Variants in ZNF43 observed in about 807,000 individuals in gnomAD.
ZNF43 encodes zinc finger protein 39-like 1 (KOX 27).
A neutral mutation model predicts 68.4 loss-of-function variants in ZNF43; 44 were observed. The observed-to-expected ratio is 0.64, with a 90% CI of 0.51 to 0.83. The LOEUF is 0.83. ZNF43 is among the 40% of genes least tolerant of loss of function. ZNF43 has a pLI of 0.00. For synonymous variants in ZNF43, 308 were observed against 307.8 expected, an observed-to-expected ratio of 1.00 and a Z score of -0.01; for missense variants, 896 against 933.2, an observed-to-expected ratio of 0.96 and a Z score of 0.52.
At chr19:21,824,420 T>G (rs995862774) in intron 1 of ZNF43, among the ~76,000 whole-genome samples, 13 of 152,146 alleles carry the variant, frequency 8.5e-5, no homozygotes, top group African/African-American at 2.4e-4. Flanking sequence ...ACCTGGAGCC[T>G]CTCACGTAAG....
intron 1 of ZNF43, among the ~76,000 whole-genome samples, chr19:21,824,383 C>T (rs1040656553): frequency 5.3e-5 from 8 of 152,144 alleles, no homozygotes; most frequent in African/African-American, 1.9e-4. Context: ...TTTACACTTA[C>T]AGATTCTGCC....
intron 1 of ZNF43, among the ~76,000 whole-genome samples, chr19:21,835,350 G>C (rs2038658843): frequency 2.1e-5 from 3 of 140,162 alleles, no homozygotes; most frequent in Admixed American, 7.1e-5. Flanking sequence ...GGAAAATCTA[G>C]TTTAGTTTTT....
intron 1 of ZNF43, chr19:21,843,229 GGGTCCAGC>G: frequency 3.9e-6 from 1 of 254,214 alleles, no homozygotes; most frequent in Non-Finnish European, 6.2e-6. Context: ...TCTACATGCT[GGGTCCAGC>G]GATATGTCAC....
chr19:21,848,611 G>A (rs1968123821), intron 1 of ZNF43, among the ~76,000 whole-genome samples: 2 of 151,964 alleles, frequency 1.3e-5, no homozygotes, highest in Non-Finnish European at 2.9e-5. Context: ...CCTAGGTGCT[G>A]GGACCAGTGA....
intron 1 of ZNF43, among the ~76,000 whole-genome samples, chr19:21,826,728 A>G (rs895379309): frequency 6.6e-6 from 1 of 151,810 alleles, no homozygotes; most frequent in African/African-American, 2.4e-5. Flanking sequence ...CCAAGCTACT[A>G]AGGAGGCTGA....
rs921379008 is a variant in ZNF43, at chr19:21,836,072, T to C, written c.-34A>G. 6.2e-7 allele frequency: 1 copy of C among 1,613,622 alleles called. No homozygotes were observed. Among genetic ancestry groups the C allele is most frequent in the Non-Finnish European group, 8.5e-7 (1 of 1,179,672 alleles). ...TTCCGGGGGGTCCTGGCGTCTTAGC[T>C]GTGGATCCCCCAATACCCGCAGGTC... On this transcript the variant is annotated 5_prime_UTR_variant, in exon 1 of 4. Transcript: ENST00000354959.
chr19:21,813,705 G>A (rs1002586970), intron 3 of ZNF43, among the ~76,000 whole-genome samples: 23 of 152,042 alleles, frequency 1.5e-4, no homozygotes, highest in African/African-American at 5.3e-4. Flanking sequence ...AGTTTCACAG[G>A]TGTAAAATTT....
At chr19:21,825,824 A>G (rs1222201335) in intron 1 of ZNF43, among the ~76,000 whole-genome samples, 1 of 152,194 alleles carries the variant, frequency 6.6e-6, no homozygotes, top group Non-Finnish European at 1.5e-5. Flanking sequence ...AGGCCAAGGC[A>G]GGTGGATCAG....
chr19:21,813,047 AG>A (rs2037355241), intron 3 of ZNF43, among the ~76,000 whole-genome samples: 1 of 152,134 alleles, frequency 6.6e-6, no homozygotes, highest in Non-Finnish European at 1.5e-5. Flanking sequence ...GTTCGAGACC[AG>A]CCTGATCAAC....
At chr19:21,830,680 CAA>C (rs201713010) in intron 1 of ZNF43, among the ~76,000 whole-genome samples, 1 of 126,330 alleles carries the variant, frequency 7.9e-6, no homozygotes, top group African/African-American at 2.9e-5. Flanking sequence ...ACCAGATGTA[CAA>C]AAAAAAAAAA....
chr19:21,807,510 ACTC>A lies in ZNF43; in HGVS notation c.*94_*96del. 8.8e-7 allele frequency: 1 copy of A among 1,132,776 alleles called. No individual in the cohort carries two copies. Among genetic ancestry groups the A allele is most frequent in the Non-Finnish European group, 1.2e-6 (1 of 831,768 alleles). The allele number at this position is 1,132,776 out of a possible 1,614,324, so 70.2% of individuals were successfully genotyped here. A position where few individuals can be genotyped will look rare whatever the true frequency, so the allele number is the denominator to read the frequency against. Reference sequence around the variant, plus strand: ...ACATTCTTCACACTTGTAGAAGTTTACTCCAATGTAAATTATCTTACCTACAAT... The same window carrying A: ...ACATTCTTCACACTTGTAGAAGTTTACAATGTAAATTATCTTACCTACAAT... On this transcript the variant is annotated 3_prime_UTR_variant, in exon 4 of 4. Coordinates refer to ENST00000354959, the MANE Select transcript of ZNF43 (RefSeq NM_003423.4).
chr19:21,840,168 C>T (rs986610663), upstream of ZNF43: 1 of 152,166 alleles, frequency 6.6e-6, no homozygotes, highest in Admixed American at 6.5e-5. Flanking sequence ...GTCACATAAC[C>T]AGGGTGTGGG....
At chr19:21,849,056 C>T (rs926168573) in intron 1 of ZNF43, among the ~76,000 whole-genome samples, 5 of 152,176 alleles carry the variant, frequency 3.3e-5, no homozygotes, top group Admixed American at 6.5e-5. Context: ...CAGGACCTCA[C>T]CAGTGGGCTC....
upstream of ZNF43, chr19:21,841,172 G>T (rs1390968425): frequency 1.3e-5 from 2 of 152,254 alleles, no homozygotes; most frequent in East Asian, 3.8e-4. Context: ...TCTAAGTCTA[G>T]CTACCAGCAC....
intron 3 of ZNF43, among the ~76,000 whole-genome samples, chr19:21,815,604 C>T (rs1181801365): frequency 1.3e-5 from 2 of 151,064 alleles, no homozygotes; most frequent in Non-Finnish European, 2.9e-5. Context: ...GGTACAAATC[C>T]TATCATTCTC....
intron 1 of ZNF43, among the ~76,000 whole-genome samples, chr19:21,835,278 A>T (rs1438831629): frequency 6.6e-6 from 1 of 151,104 alleles, no homozygotes; most frequent in East Asian, 1.9e-4. Context: ...AAAAAAAAGA[A>T]AAAATAGTTG....
At chr19:21,828,382 A>C (rs1312453494) in intron 1 of ZNF43, among the ~76,000 whole-genome samples, 1 of 152,094 alleles carries the variant, frequency 6.6e-6, no homozygotes, top group Non-Finnish European at 1.5e-5. Context: ...GATTGAGACC[A>C]TCCTGGCTAA....
Position 21,809,393 on chromosome 19 carries a change from G to C in ZNF43, c.644C>G (p.Ser215Ter). The C allele has an allele frequency of 6.2e-7, 1 of 1,613,554 alleles. No individual in the cohort carries two copies. Among genetic ancestry groups the C allele is most frequent in the Non-Finnish European group, 8.5e-7 (1 of 1,179,770 alleles). ...AATTCTCTTATGTTTAGTGATGATTGAAGGGCAGTTAAAAGCTTTTCCACA... is the reference window on the plus strand; with the variant it reads ...AATTCTCTTATGTTTAGTGATGATTCAAGGGCAGTTAAAAGCTTTTCCACA... ...EKCGKAFNCPSIITKHKRINT... is the reference protein window; with the variant it reads ...EKCGKAFNCP The change falls in exon 4 of 4, where the codon TCA becomes TGA. Residue 215 changes from serine to a stop codon, truncating the protein, a stop_gained. Transcript: ENST00000354959. LOFTEE classifies it high-confidence loss of function.
chr19:21,844,921 A>AAAAAATATAT (rs1310761266), intron 1 of ZNF43, among the ~76,000 whole-genome samples: 25 of 26,048 alleles, frequency 9.6e-4, no homozygotes, highest in Admixed American at 1.5e-3. Flanking sequence ...AAAAAAAAAA[A>AAAAAATATAT]ATATATATAT....
Sources: gnomAD v4.1 joint callset for allele counts (sites outside exome capture counted in the v4.1 genomes callset) on GRCh38, gnomAD v4.1.1 for gene constraint, MANE v1.5 for transcripts, NCBI Gene and HGNC (gene_info 2026-07-23, HGNC 2026-07-21) for gene names.